CAST: variants seen among roughly 807,000 people sequenced by gnomAD.
The protein encoded by CAST is calpastatin.
A neutral mutation model predicts 119.6 loss-of-function variants in CAST; 76 were observed. The observed-to-expected ratio is 0.64, with a 90% CI of 0.53 to 0.77. The LOEUF (loss-of-function observed/expected upper bound fraction) is 0.77, where lower values mean the gene tolerates loss of function less well. Among genes scored for constraint, CAST ranks in the 30% least tolerant of loss-of-function variants. The probability of loss-of-function intolerance (pLI) is 0.00; values close to 1 mark genes in which losing one functional copy is unlikely to be tolerated. For synonymous variants in CAST, 319 were observed against 331.6 expected, an observed-to-expected ratio of 0.96 and a Z score of 0.41; for missense variants, 953 against 946.5, an observed-to-expected ratio of 1.01 and a Z score of -0.09.
the CAST span, among the ~76,000 whole-genome samples, chr5:96,346,217 A>G: frequency 6.6e-6 from 1 of 152,148 alleles, no homozygotes; most frequent in Non-Finnish European, 1.5e-5. Flanking sequence ...AAGACTCCAG[A>G]TTTCGGGCTT....
chr5:96,706,535 G>T (rs1755016694), intron 3 of CAST, among the ~76,000 whole-genome samples: 1 of 152,184 alleles, frequency 6.6e-6, no homozygotes, highest in African/African-American at 2.4e-5. Flanking sequence ...TTCTTTAAAG[G>T]AAATCTGCAA....
the CAST span, among the ~76,000 whole-genome samples, chr5:96,166,721 C>G: frequency 6.6e-6 from 1 of 152,138 alleles, no homozygotes; most frequent in Non-Finnish European, 1.5e-5. Context: ...TTGAATAGCA[C>G]ACCCAAGAAG....
At chr5:96,050,924 T>G in the CAST span, among the ~76,000 whole-genome samples, 12 of 152,314 alleles carry the variant, frequency 7.9e-5, no homozygotes, top group African/African-American at 2.9e-4. Flanking sequence ...TAATTAAAAA[T>G]AAATGATTTA....
intron 3 of CAST, among the ~76,000 whole-genome samples, chr5:96,713,150 T>TTTA (rs1756521005): frequency 6.6e-6 from 1 of 150,960 alleles, no homozygotes. Flanking sequence ...TTTTTTTTTT[T>TTTA]GAGATGGAGG....
the CAST span, among the ~76,000 whole-genome samples, chr5:96,194,948 C>T: frequency 6.6e-6 from 1 of 152,168 alleles, no homozygotes; most frequent in Non-Finnish European, 1.5e-5. Flanking sequence ...AAGATGCAGG[C>T]ATACCTTGGA....
chr5:96,460,489 AC>A, the CAST span, among the ~76,000 whole-genome samples: 1 of 152,008 alleles, frequency 6.6e-6, no homozygotes, highest in Admixed American at 6.6e-5. Context: ...GCACATGTAT[AC>A]CTGTGTAACA....
At chr5:96,127,311 T>A in the CAST span, among the ~76,000 whole-genome samples, 2 of 152,116 alleles carry the variant, frequency 1.3e-5, no homozygotes, top group Non-Finnish European at 2.9e-5. Flanking sequence ...AGGGATAAAC[T>A]TTCATTGTTA....
At chr5:95,967,632 A>G in the CAST span, among the ~76,000 whole-genome samples, 4 of 152,118 alleles carry the variant, frequency 2.6e-5, no homozygotes, top group African/African-American at 9.7e-5. Flanking sequence ...TGGTTTTATA[A>G]GGAGTTTTCC....
the CAST span, among the ~76,000 whole-genome samples, chr5:96,488,231 G>A: frequency 6.6e-6 from 1 of 152,154 alleles, no homozygotes; most frequent in Non-Finnish European, 1.5e-5. Context: ...GTAAGCATAA[G>A]AGACTTAGAG....
At chr5:96,130,021 CTTT>C in the CAST span, among the ~76,000 whole-genome samples, 2 of 129,500 alleles carry the variant, frequency 1.5e-5, no homozygotes, top group Admixed American at 7.8e-5. Context: ...AACACACACA[CTTT>C]TTTTTTTTTT....
At chr5:96,498,298 T>C in the CAST span, among the ~76,000 whole-genome samples, 20 of 152,242 alleles carry the variant, frequency 1.3e-4, no homozygotes, top group Admixed American at 3.3e-4. Flanking sequence ...GGTAGTGTGA[T>C]GCCTCCAGCT....
chr5:96,667,741 CG>C (rs201624146), intron 1 of CAST, among the ~76,000 whole-genome samples: 1 of 342 alleles, frequency 2.9e-3, no homozygotes, highest in African/African-American at 0.019. Flanking sequence ...AGGCTGGGTG[CG>C]GTTGGCTCAC....
chr5:96,564,655 A>G (rs1177016462), intron 1 of CAST, among the ~76,000 whole-genome samples: 1 of 152,234 alleles, frequency 6.6e-6, no homozygotes, highest in African/African-American at 2.4e-5. Context: ...TCAGTGGCTC[A>G]TGCCTGTAAT....
the CAST span, among the ~76,000 whole-genome samples, chr5:96,018,339 A>G: frequency 7.7e-3 from 1,165 of 152,188 alleles, 16 homozygotes; most frequent in African/African-American, 0.027. Flanking sequence ...ATTACTTGGT[A>G]TGGAGGCCTG....
At chr5:96,276,040 T>C in the CAST span, among the ~76,000 whole-genome samples, 1 of 152,212 alleles carries the variant, frequency 6.6e-6, no homozygotes, top group Non-Finnish European at 1.5e-5. Flanking sequence ...CCAGTGGTCT[T>C]CTTCGTGAAA....
At chr5:96,764,246 T>G (rs1769016401) in intron 25 of CAST, among the ~76,000 whole-genome samples, 1 of 152,228 alleles carries the variant, frequency 6.6e-6, no homozygotes, top group Non-Finnish European at 1.5e-5. Context: ...TAGTATTGTT[T>G]TAAATGCCTT....
chr5:96,473,834 G>A, the CAST span, among the ~76,000 whole-genome samples: 1 of 152,194 alleles, frequency 6.6e-6, no homozygotes, highest in African/African-American at 2.4e-5. Context: ...GGGGATGTAG[G>A]TGGGTAACTA....
At chr5:96,358,057 G>C in the CAST span, among the ~76,000 whole-genome samples, 2 of 152,144 alleles carry the variant, frequency 1.3e-5, no homozygotes, top group South Asian at 2.1e-4. Context: ...GTTTAGTCTT[G>C]GGAGGGTGTG....
intron 1 of CAST, among the ~76,000 whole-genome samples, chr5:96,653,694 A>G (rs957431078): frequency 1.3e-5 from 2 of 152,184 alleles, no homozygotes; most frequent in African/African-American, 2.4e-5. Context: ...TTTATCTTGT[A>G]TCTTAACCCA....
Sources: gnomAD v4.1 joint callset for allele counts (sites outside exome capture counted in the v4.1 genomes callset) on GRCh38, gnomAD v4.1.1 for gene constraint, MANE v1.5 for transcripts, NCBI Gene and HGNC (gene_info 2026-07-23, HGNC 2026-07-21) for gene names.